The following LHFPL6 variants were observed in gnomAD, a reference collection of about 807,000 sequenced individuals.
LHFPL6 encodes the protein LHFPL tetraspan subfamily member 6 protein.
A neutral mutation model predicts 20.6 loss-of-function variants in LHFPL6; 9 were observed. The observed-to-expected ratio is 0.44, with a 90% CI of 0.26 to 0.76. The LOEUF (loss-of-function observed/expected upper bound fraction) is 0.76, where lower values mean the gene tolerates loss of function less well. Ranked by LOEUF, LHFPL6 falls within the 30% of genes least tolerant of loss-of-function variation. The pLI, the probability that LHFPL6 is intolerant of heterozygous loss-of-function variation, is 0.20. For synonymous variants in LHFPL6, 105 were observed against 98.7 expected, an observed-to-expected ratio of 1.06 and a Z score of -0.38; for missense variants, 218 against 253.5, an observed-to-expected ratio of 0.86 and a Z score of 0.95.
At chr13:39,405,538 C>T (rs1185801) in intron 2 of LHFPL6, among the ~76,000 whole-genome samples, 89,875 of 152,128 alleles carry the variant, frequency 0.59, 27,251 homozygotes, top group Admixed American at 0.69. Context: ...CCACCCAAAT[C>T]CTTGACGATA....
At chr13:39,559,833 T>G (rs943549273) in intron 2 of LHFPL6, among the ~76,000 whole-genome samples, 6 of 152,262 alleles carry the variant, frequency 3.9e-5, no homozygotes, top group African/African-American at 1.4e-4. Flanking sequence ...TTTATTGAAT[T>G]AAATCCTTGG....
intron 2 of LHFPL6, among the ~76,000 whole-genome samples, chr13:39,433,984 C>CT (rs1871885465): frequency 6.6e-6 from 1 of 152,154 alleles, no homozygotes; most frequent in Non-Finnish European, 1.5e-5. Flanking sequence ...ATCTGTGACC[C>CT]TCTTTCTGTT....
chr13:39,431,676 C>A (rs1210286786), intron 2 of LHFPL6, among the ~76,000 whole-genome samples: 8 of 143,604 alleles, frequency 5.6e-5, no homozygotes. Context: ...ACTCCAAATT[C>A]TCATTGTTTA....
intron 2 of LHFPL6, among the ~76,000 whole-genome samples, chr13:39,566,810 G>A (rs1007900290): frequency 6.6e-5 from 10 of 151,088 alleles, no homozygotes; most frequent in South Asian, 4.2e-4. Flanking sequence ...TCTACTTGGC[G>A]GAACTCCTCT....
chr13:39,480,767 G>GT (rs1378039072), intron 2 of LHFPL6, among the ~76,000 whole-genome samples: 3 of 152,106 alleles, frequency 2.0e-5, no homozygotes, highest in African/African-American at 7.2e-5. Flanking sequence ...AGACACAACA[G>GT]TGACTGCAGG....
intron 2 of LHFPL6, among the ~76,000 whole-genome samples, chr13:39,477,748 G>A (rs1204864853): frequency 6.6e-6 from 1 of 152,196 alleles, no homozygotes; most frequent in East Asian, 1.9e-4. Flanking sequence ...CAAGTGAGAA[G>A]AGAATGTAAC....
intron 2 of LHFPL6, among the ~76,000 whole-genome samples, chr13:39,467,172 G>C (rs1272875487): frequency 6.6e-6 from 1 of 152,026 alleles, no homozygotes; most frequent in Non-Finnish European, 1.5e-5. Context: ...TTATTCATCT[G>C]TTCCCCTTAA....
chr13:39,354,130 G>A (rs1869665243), intron 3 of LHFPL6, among the ~76,000 whole-genome samples: 1 of 152,186 alleles, frequency 6.6e-6, no homozygotes, highest in African/African-American at 2.4e-5. Flanking sequence ...TGAAAGAAGT[G>A]TGCCACTGAG....
chr13:39,434,925 G>A (rs999436194), intron 2 of LHFPL6, among the ~76,000 whole-genome samples: 57 of 151,424 alleles, frequency 3.8e-4, no homozygotes, highest in African/African-American at 1.3e-3. Context: ...GCGCGGTGGC[G>A]GGCGCCTGTA....
chr13:39,344,437 T>G (rs531824533), intron 3 of LHFPL6, among the ~76,000 whole-genome samples: 11 of 152,208 alleles, frequency 7.2e-5, no homozygotes, highest in Admixed American at 7.2e-4. Context: ...TAAATGTTGA[T>G]GCAATCCTTC....
chr13:39,369,613 C>CCTTCCTTCCTT (rs1566095707), intron 3 of LHFPL6, among the ~76,000 whole-genome samples: 3 of 6,182 alleles, frequency 4.9e-4, no homozygotes, highest in Non-Finnish European at 6.5e-4. Context: ...CTCTCTCCCT[C>CCTTCCTTCCTT]CCTTCCTTCC....
chr13:39,415,185 C>A (rs745367968), intron 2 of LHFPL6, among the ~76,000 whole-genome samples: 1 of 152,170 alleles, frequency 6.6e-6, no homozygotes, highest in Non-Finnish European at 1.5e-5. Flanking sequence ...AATACCATGA[C>A]TGAGCTGGTG....
intron 2 of LHFPL6, among the ~76,000 whole-genome samples, chr13:39,471,685 A>C (rs1872951486): frequency 6.6e-6 from 1 of 152,192 alleles, no homozygotes; most frequent in Non-Finnish European, 1.5e-5. Flanking sequence ...TGGTACTTAC[A>C]CGTGTATTGT....
At chr13:39,602,522 GC>G (rs1230372215) in intron 1 of LHFPL6, among the ~76,000 whole-genome samples, 1 of 152,082 alleles carries the variant, frequency 6.6e-6, no homozygotes, top group African/African-American at 2.4e-5. Context: ...CGGGCAGGGG[GC>G]CCCCATCTCC....
At chr13:39,510,687 G>A (rs192795861) in intron 2 of LHFPL6, among the ~76,000 whole-genome samples, 376 of 152,200 alleles carry the variant, frequency 2.5e-3, no homozygotes, top group Non-Finnish European at 4.2e-3. Flanking sequence ...AGAAAGTCAG[G>A]AGTTACAGAA....
intron 2 of LHFPL6, among the ~76,000 whole-genome samples, chr13:39,572,219 T>C (rs1482449391): frequency 1.3e-5 from 2 of 151,894 alleles, no homozygotes; most frequent in Non-Finnish European, 2.9e-5. Flanking sequence ...AAATAAAGCA[T>C]TTAAGATAGA....
chr13:39,515,517 T>C (rs963578695), intron 2 of LHFPL6, among the ~76,000 whole-genome samples: 1 of 152,224 alleles, frequency 6.6e-6, no homozygotes, highest in African/African-American at 2.4e-5. Flanking sequence ...GGCTGTCGCC[T>C]TTCTCCTTCC....
rs566534114 is a variant in LHFPL6, at chr13:39,380,346, C to T, written c.386-1820G>A. The stretch of plus-strand genomic sequence containing the variant: ...ATTTAAGCCAGGGGGACCCAACCCC[C>T]GAGCCATGAACCAGTATGGGTCCAT... On this transcript the variant is annotated intron_variant, in intron 2 of 3. Coordinates refer to ENST00000379589, the MANE Select transcript of LHFPL6 (RefSeq NM_005780.3). Among the ~76,000 whole-genome samples, 53 of 152,126 alleles carry T rather than the reference C, an allele frequency of 3.5e-4. 1 individual carries two copies. The South Asian group carries it at 0.01, about 29-fold the overall frequency.
intron 2 of LHFPL6, among the ~76,000 whole-genome samples, chr13:39,493,732 T>C (rs1403196990): frequency 2.6e-5 from 4 of 152,188 alleles, no homozygotes; most frequent in African/African-American, 7.2e-5. Flanking sequence ...CAATTTTCTG[T>C]TAGTGAATCA....
Sources: allele counts gnomAD v4.1 joint callset (sites outside exome capture counted in the v4.1 genomes callset), GRCh38; gene constraint gnomAD v4.1.1; transcripts MANE v1.5; gene names NCBI Gene and HGNC (gene_info 2026-07-23, HGNC 2026-07-21).